NRCAM: variants seen among roughly 807,000 people sequenced by gnomAD.
NRCAM encodes the protein neuronal cell adhesion molecule.
Under a neutral mutation model 156.5 loss-of-function variants are expected in NRCAM, and 83 were observed. The ratio of observed to expected loss-of-function variants is 0.53; its 90% CI spans 0.44 to 0.64. The LOEUF is 0.64. NRCAM is among the 30% of genes least tolerant of loss of function. The probability of loss-of-function intolerance (pLI) is 0.00; values close to 1 mark genes in which losing one functional copy is unlikely to be tolerated. For synonymous variants in NRCAM, 538 were observed against 563.9 expected, an observed-to-expected ratio of 0.95 and a Z score of 0.65; for missense variants, 1,417 against 1,597.3, an observed-to-expected ratio of 0.89 and a Z score of 1.92.
At chr7:108,256,090 C>G (rs1418912318) in intron 3 of NRCAM, among the ~76,000 whole-genome samples, 1 of 118,938 alleles carries the variant, frequency 8.4e-6, no homozygotes, top group Non-Finnish European at 1.9e-5. Context: ...AAGTGAGGAG[C>G]CCCTCTGCCC....
chr7:108,303,685 T>C (rs2098668535), intron 3 of NRCAM, among the ~76,000 whole-genome samples: 1 of 152,082 alleles, frequency 6.6e-6, no homozygotes, highest in Non-Finnish European at 1.5e-5. Flanking sequence ...GTGTATCTAC[T>C]ACATGGCTTC....
chr7:108,229,649 G>A (rs1190507282), intron 8 of NRCAM, among the ~76,000 whole-genome samples: 2 of 152,122 alleles, frequency 1.3e-5, no homozygotes, highest in African/African-American at 4.8e-5. Flanking sequence ...ACGCACTAAG[G>A]TTTCAAACAT....
chr7:108,154,652 C>G (rs2043866503), intron 32 of NRCAM, among the ~76,000 whole-genome samples: 1 of 152,122 alleles, frequency 6.6e-6, no homozygotes, highest in Non-Finnish European at 1.5e-5. Context: ...GCAGTGAGAT[C>G]TTTTGAAGAC....
In NRCAM at chr7:108,279,478, C is replaced by T. The variant is rs541893306; in HGVS notation, c.-107+33187G>A. ...TGGGAATTGGGGAGATTTATGCCCT[C>T]ACCCACAGTGTGACTTATGCAACAC... On this transcript the variant is annotated intron_variant, in intron 3 of 32. Transcript: ENST00000379028. 8.5e-5 allele frequency among the ~76,000 whole-genome samples: 13 copies of T among 152,158 alleles called. No individual in the cohort carries two copies. In the South Asian group the frequency reaches 2.5e-3, roughly 29 times the overall value.
intron 11 of NRCAM, among the ~76,000 whole-genome samples, chr7:108,211,933 G>A (rs547833213): frequency 6.6e-6 from 1 of 152,312 alleles, no homozygotes; most frequent in South Asian, 2.1e-4. Context: ...CCTGGCAGGA[G>A]GCCAACCAGC....
At chr7:108,343,540 T>C (rs1212404453) in intron 2 of NRCAM, among the ~76,000 whole-genome samples, 1 of 152,150 alleles carries the variant, frequency 6.6e-6, no homozygotes, top group African/African-American at 2.4e-5. Context: ...ACCCCTAGTA[T>C]GTGGTAATCC....
At chr7:108,235,767 T>G (rs557716503) in intron 5 of NRCAM, among the ~76,000 whole-genome samples, 1 of 152,262 alleles carries the variant, frequency 6.6e-6, no homozygotes, top group African/African-American at 2.4e-5. Context: ...AGGCCAGGGA[T>G]GTTGCTAAAC....
intron 1 of NRCAM, among the ~76,000 whole-genome samples, chr7:108,454,366 C>A (rs1854041133): frequency 6.6e-6 from 1 of 152,194 alleles, no homozygotes; most frequent in Non-Finnish European, 1.5e-5. Context: ...TTGTAAAGCA[C>A]AAGGACAAAA....
At chr7:108,241,042 A>G (rs544392503) in intron 3 of NRCAM, among the ~76,000 whole-genome samples, 1 of 152,112 alleles carries the variant, frequency 6.6e-6, no homozygotes, top group South Asian at 2.1e-4. Flanking sequence ...AGTCCAATTT[A>G]TTTCTTATGG....
chr7:108,297,267 G>C (rs1342257072), intron 3 of NRCAM, among the ~76,000 whole-genome samples: 10 of 152,122 alleles, frequency 6.6e-5, no homozygotes, highest in African/African-American at 2.2e-4. Context: ...TTGTTCATTT[G>C]GTCCAAAAAA....
At chr7:108,272,599 T>C (rs926221075) in intron 3 of NRCAM, among the ~76,000 whole-genome samples, 3 of 152,176 alleles carry the variant, frequency 2.0e-5, no homozygotes, top group Non-Finnish European at 2.9e-5. Context: ...ATATATGTTA[T>C]ACATATTTTT....
rs116325251 is a variant in NRCAM at position 108,224,177 on chromosome 7, A to C, written c.779-341T>G. 5.8e-3 allele frequency among the ~76,000 whole-genome samples: 877 copies of C among 152,300 alleles called. 10 individuals carry two copies. Among genetic ancestry groups the C allele is most frequent in the African/African-American group, 0.02 (840 of 41,574 alleles). On this transcript the variant is annotated intron_variant, in intron 10 of 32. Coordinates refer to ENST00000379028, the MANE Select transcript of NRCAM (RefSeq NM_001037132.4). ...ACATGGAGAGGAAAATCATGTTATC[A>C]AACTACATTTCCCTTAGGATTAGTG...
At chr7:108,166,527 C>T (rs916222002) in intron 30 of NRCAM, among the ~76,000 whole-genome samples, 3 of 152,000 alleles carry the variant, frequency 2.0e-5, no homozygotes, top group Non-Finnish European at 2.9e-5. Context: ...GGATTACAGG[C>T]GTGAGCTACC....
intron 1 of NRCAM, among the ~76,000 whole-genome samples, chr7:108,417,515 G>T (rs1226795369): frequency 6.6e-6 from 1 of 152,118 alleles, no homozygotes; most frequent in Non-Finnish European, 1.5e-5. Context: ...TGTTACAAAG[G>T]CAATTAAATT....
At chr7:108,268,637 G>GGAGGGGGGGGA (rs2097209079) in intron 3 of NRCAM, among the ~76,000 whole-genome samples, 2 of 48,590 alleles carry the variant, frequency 4.1e-5, no homozygotes, top group Admixed American at 2.2e-4. Context: ...GGGGGGGGTT[G>GGAGGGGGGGGA]GGGGGGGCGG....
At chr7:108,191,168 G>T in intron 19 of NRCAM, 86 bp downstream of exon 19, 1 of 1,098,400 alleles carries the variant, frequency 9.1e-7, no homozygotes, top group Non-Finnish European at 1.3e-6. Context: ...ACAATTATGT[G>T]ACATAGAAAA....
At chr7:108,226,742 T>C (rs904823122) in intron 8 of NRCAM, among the ~76,000 whole-genome samples, 1 of 152,200 alleles carries the variant, frequency 6.6e-6, no homozygotes, top group Non-Finnish European at 1.5e-5. Context: ...ACATATATCT[T>C]AGAAAATCAT....
chr7:108,335,289 T>G (rs761998471), intron 2 of NRCAM, among the ~76,000 whole-genome samples: 1 of 152,202 alleles, frequency 6.6e-6, no homozygotes, highest in Non-Finnish European at 1.5e-5. Context: ...CTTCTGCCAC[T>G]GATGTATTTT....
At chr7:108,326,509 A>T (rs1170184481) in intron 2 of NRCAM, among the ~76,000 whole-genome samples, 11 of 152,212 alleles carry the variant, frequency 7.2e-5, no homozygotes, top group African/African-American at 2.4e-4. Context: ...AGAAAAATGG[A>T]AAGAAACCAT....
Sources: allele counts gnomAD v4.1 joint callset (sites outside exome capture counted in the v4.1 genomes callset), GRCh38; gene constraint gnomAD v4.1.1; transcripts MANE v1.5; gene names NCBI Gene and HGNC (gene_info 2026-07-23, HGNC 2026-07-21).